ADGRV1: variants seen among roughly 807,000 people sequenced by gnomAD.
The protein encoded by ADGRV1 is adhesion G protein-coupled receptor V1, also known as G-protein coupled receptor 98.
A neutral mutation model predicts 596.2 loss-of-function variants in ADGRV1; 359 were observed. That is an observed-to-expected ratio of 0.60 (90% CI 0.55 to 0.66). The LOEUF (loss-of-function observed/expected upper bound fraction) is 0.66, where lower values mean the gene tolerates loss of function less well. Among genes scored for constraint, ADGRV1 ranks in the 30% least tolerant of loss-of-function variants. The pLI is 0.00. For missense variants in ADGRV1, 7,274 were observed against 7,575.6 expected, an observed-to-expected ratio of 0.96 and a Z score of 1.48; for synonymous variants, 2,681 against 2,679.2, an observed-to-expected ratio of 1.00 and a Z score of -0.02.
At chr5:90,933,477 G>T (rs964829024) in intron 83 of ADGRV1, among the ~76,000 whole-genome samples, 2 of 152,110 alleles carry the variant, frequency 1.3e-5, no homozygotes, top group Non-Finnish European at 2.9e-5. Context: ...TATTTTAAGG[G>T]CAGTAAGTGA....
chr5:91,086,131 A>G (rs1789853369), intron 86 of ADGRV1, among the ~76,000 whole-genome samples: 1 of 152,172 alleles, frequency 6.6e-6, no homozygotes, highest in African/African-American at 2.4e-5. Context: ...CCCAGGTCAT[A>G]GCCCTTTCTT....
chr5:90,823,661 A>T, intron 76 of ADGRV1, 65 bp downstream of exon 76: 1 of 1,404,350 alleles, frequency 7.1e-7, no homozygotes, highest in Middle Eastern at 2.4e-4. Context: ...TAATCATTTT[A>T]AAACCACTAT....
intron 84 of ADGRV1, among the ~76,000 whole-genome samples, chr5:90,973,951 C>T (rs904287296): frequency 1.3e-5 from 2 of 152,242 alleles, no homozygotes. Flanking sequence ...ATTTAGAAAA[C>T]TGCATTGTCT....
At chr5:90,815,595 A>G (rs1175118895) in intron 74 of ADGRV1, 24 bp from the exon 75 acceptor site, 2 of 1,245,638 alleles carry the variant, frequency 1.6e-6, no homozygotes, top group African/African-American at 3.0e-5. Flanking sequence ...TGAATATATT[A>G]TAGCCCTCCA....
intron 60 of ADGRV1, 83 bp from the exon 61 acceptor site, chr5:90,776,370 T>C (rs1758230794): frequency 1.5e-6 from 2 of 1,294,122 alleles, no homozygotes; most frequent in African/African-American, 1.5e-5. Context: ...TTCCTGTGTG[T>C]AAAGTGCTTA....
chr5:90,598,303 T>C (rs1760967742), intron 1 of ADGRV1, among the ~76,000 whole-genome samples: 1 of 152,230 alleles, frequency 6.6e-6, no homozygotes, highest in Non-Finnish European at 1.5e-5. Flanking sequence ...ACATCAATAG[T>C]GCCCACATGC....
chr5:90,853,607 T>C (rs894563213), intron 80 of ADGRV1, 74 bp downstream of exon 80: 2 of 1,421,918 alleles, frequency 1.4e-6, no homozygotes, highest in African/African-American at 1.4e-5. Context: ...TGGAATGCAT[T>C]TGTTTGATCA....
chr5:90,690,555 T>G (rs890683480), intron 30 of ADGRV1, among the ~76,000 whole-genome samples: 2 of 152,320 alleles, frequency 1.3e-5, no homozygotes, highest in African/African-American at 2.4e-5. Flanking sequence ...GTCACTCATG[T>G]CTGGTATAGA....
At chr5:91,003,553 G>A (rs937804565) in intron 85 of ADGRV1, among the ~76,000 whole-genome samples, 2 of 152,124 alleles carry the variant, frequency 1.3e-5, no homozygotes, top group African/African-American at 4.8e-5. Flanking sequence ...TAGAAATGAC[G>A]AGATCCCAGG....
chr5:90,954,356 C>G (rs1022120794), intron 83 of ADGRV1, among the ~76,000 whole-genome samples: 1 of 151,924 alleles, frequency 6.6e-6, no homozygotes, highest in East Asian at 1.9e-4. Context: ...TACTAATTCA[C>G]TTTTTTAAAT....
intron 1 of ADGRV1, among the ~76,000 whole-genome samples, chr5:90,595,414 T>G (rs797017465): frequency 7.4e-3 from 67 of 9,022 alleles, no homozygotes; most frequent in South Asian, 0.03. Context: ...CCTCCCGGAC[T>G]GGGCGGCTGG....
At chr5:90,934,972 C>G (rs1158978668) in intron 83 of ADGRV1, among the ~76,000 whole-genome samples, 1 of 152,170 alleles carries the variant, frequency 6.6e-6, no homozygotes, top group Non-Finnish European at 1.5e-5. Context: ...CCAACCTCAT[C>G]TAAACCTAAT....
chr5:91,022,249 C>G (rs1783699167), intron 85 of ADGRV1, among the ~76,000 whole-genome samples: 1 of 151,992 alleles, frequency 6.6e-6, no homozygotes, highest in South Asian at 2.1e-4. Flanking sequence ...TCAATGTAAT[C>G]TAGAATCTAT....
chr5:90,686,338 A>G (rs539009472), intron 29 of ADGRV1, among the ~76,000 whole-genome samples: 22 of 152,156 alleles, frequency 1.4e-4, no homozygotes, highest in East Asian at 9.7e-4. Flanking sequence ...GGCATTAGGT[A>G]TATCTCCTAA....
At chr5:90,742,265 A>G (rs928238754) in intron 50 of ADGRV1, among the ~76,000 whole-genome samples, 2 of 152,204 alleles carry the variant, frequency 1.3e-5, no homozygotes, top group East Asian at 3.8e-4. Context: ...ACAAAATGAG[A>G]GGACTTGCCC....
intron 4 of ADGRV1, among the ~76,000 whole-genome samples, chr5:90,619,588 ACTTTT>A (rs1312937768): frequency 6.6e-6 from 1 of 151,912 alleles, no homozygotes; most frequent in Non-Finnish European, 1.5e-5. Context: ...TTGAAAGAAT[ACTTTT>A]CTTTTTTTTT....
rs189967386 is a variant in ADGRV1, at chr5:90,644,711, T to C, written c.2740T>C (p.Tyr914His). The C allele has an allele frequency of 1.5e-4, 245 of 1,606,742 alleles. No homozygotes were observed. In the African/African-American group the frequency reaches 2.8e-3, roughly 18 times the overall value. ...SKGDAIYSAVYDVVRNRGNFG... is the reference protein window; with the variant it reads ...SKGDAIYSAVHDVVRNRGNFG... The stretch of plus-strand genomic sequence containing the variant: ...TGTATGTTTCCATTTCACAGCTGTT[T>C]ATGATGTAGTAAGAAATCGAGGCAA... The change falls in exon 15 of 90, where the codon TAT becomes CAT. Residue 914 changes from tyrosine to histidine, a missense_variant. By Grantham distance (83) the Tyr-to-His change is moderately conservative. Transcript: ENST00000405460.
chr5:91,099,449 A>C (rs1016203835), intron 86 of ADGRV1, among the ~76,000 whole-genome samples: 2 of 152,290 alleles, frequency 1.3e-5, no homozygotes, highest in East Asian at 3.9e-4. Flanking sequence ...TCAGAAGCCA[A>C]TCGTTGTGAG....
intron 85 of ADGRV1, among the ~76,000 whole-genome samples, chr5:91,004,427 G>A (rs554510376): frequency 1.7e-4 from 25 of 150,844 alleles, no homozygotes; most frequent in Non-Finnish European, 3.4e-4. Context: ...GAATCCTCCC[G>A]GTCCTAAAAA....
Sources: allele counts gnomAD v4.1 joint callset (sites outside exome capture counted in the v4.1 genomes callset), GRCh38; gene constraint gnomAD v4.1.1; transcripts MANE v1.5; gene names NCBI Gene and HGNC (gene_info 2026-07-23, HGNC 2026-07-21).